The following PFKM variants were observed in gnomAD, a reference collection of about 807,000 sequenced individuals.
PFKM encodes the protein phosphofructokinase, muscle, also known as ATP-dependent 6-phosphofructokinase, muscle type.
In PFKM, 58 loss-of-function variants were observed where a neutral mutation model predicts 95.5. The observed-to-expected ratio is 0.61, with a 90% CI of 0.49 to 0.76. The LOEUF is 0.76. Among genes scored for constraint, PFKM ranks in the 30% least tolerant of loss-of-function variants. The pLI is 0.00. For missense variants in PFKM, 678 were observed against 1,005.4 expected (o/e 0.67, Z 4.40); for synonymous variants, 336 against 357.2 (o/e 0.94, Z 0.67).
At chr12:48,131,437 G>A (rs769598922) in intron 4 of PFKM, 44 bp downstream of exon 4, 2 of 1,365,390 alleles carry the variant, frequency 1.5e-6, no homozygotes, top group Non-Finnish European at 2.1e-6. Flanking sequence ...CTCTGTCCTT[G>A]TTTCATCCCA....
intron 1 of PFKM, chr12:48,106,237 G>C: frequency 1.6e-6 from 1 of 642,294 alleles, no homozygotes; most frequent in Non-Finnish European, 2.8e-6. Context: ...AGCGAAGGGA[G>C]CATTTAAGAC....
chr12:48,113,445 G>C (rs183289286), intron 3 of PFKM, among the ~76,000 whole-genome samples: 137 of 152,348 alleles, frequency 9.0e-4, no homozygotes, highest in African/African-American at 3.1e-3. Context: ...AGAGCCTTGG[G>C]CCAGAGTTCC....
At chr12:48,132,005 C>T in intron 4 of PFKM, 1 of 455,760 alleles carries the variant, frequency 2.2e-6, no homozygotes, top group Non-Finnish European at 4.4e-6. Context: ...ACATTTGTAT[C>T]CCCCTTTTTT....
chr12:48,125,213 G>A (rs775888766), intron 2 of PFKM: 7 of 362,828 alleles, frequency 1.9e-5, no homozygotes, highest in Non-Finnish European at 3.2e-5. Context: ...TTATGACATC[G>A]GCATATTCTA....
intron 2 of PFKM, among the ~76,000 whole-genome samples, chr12:48,126,782 T>C (rs1302044870): frequency 6.6e-6 from 1 of 152,182 alleles, no homozygotes; most frequent in Non-Finnish European, 1.5e-5. Flanking sequence ...GAGAATCCCA[T>C]AGGCCTTGTG....
At chr12:48,130,159 T>A (rs935542412) in intron 2 of PFKM, among the ~76,000 whole-genome samples, 1 of 152,164 alleles carries the variant, frequency 6.6e-6, no homozygotes, top group Non-Finnish European at 1.5e-5. Flanking sequence ...TGAATGCAGA[T>A]TATCTGAAGC....
chr12:48,145,017 G>T lies in PFKM; in HGVS notation c.1993-14G>T. ...GAGTCCTTCCCTCTGTAATTTTTATGTTTCTTTCTCCAGGGTGGGAGCCCA... is the reference window on the plus strand; with the variant it reads ...GAGTCCTTCCCTCTGTAATTTTTATTTTTCTTTCTCCAGGGTGGGAGCCCA... On this transcript the variant is annotated splice_polypyrimidine_tract_variant and intron_variant, in intron 20 of 22. Transcript: ENST00000359794. This position sits in a 1 kb window ranked among gnomAD's most constrained non-coding sequence, Gnocchi z 4.3. 3.2e-6 allele frequency: 5 copies of T among 1,577,792 alleles called. No homozygotes were observed. Among genetic ancestry groups the T allele is most frequent in the Non-Finnish European group, 4.4e-6 (5 of 1,146,984 alleles).
rs139256518 is a variant in PFKM, at chr12:48,124,916, G to A, written c.85+2057G>A. Among the ~76,000 whole-genome samples the A allele has an allele frequency of 3.9e-4, 60 of 152,284 alleles. 1 individual carries two copies. Among genetic ancestry groups the A allele is most frequent in the Admixed American group, 1.8e-3 (27 of 15,300 alleles). ...GAGTTTGATGGACTCTAGTTCTCCC[G>A]GGGAGAAAACATAGAAATGTTTTGT... On this transcript the variant is annotated intron_variant, in intron 2 of 22. Transcript: ENST00000359794.
intron 2 of PFKM, among the ~76,000 whole-genome samples, chr12:48,126,823 T>C (rs543884847): frequency 6.6e-6 from 1 of 152,178 alleles, no homozygotes; most frequent in Non-Finnish European, 1.5e-5. Flanking sequence ...TAGTTTCATA[T>C]CTATTCTGAT....
Position 48,137,930 on chromosome 12 carries a change from C to T in PFKM, c.1062+84C>T, listed in dbSNP as rs1950247731. On this transcript the variant is annotated intron_variant, in intron 11 of 22. Coordinates refer to ENST00000359794, the MANE Select transcript of PFKM (RefSeq NM_000289.6). ...AGGGGCATGAGACTATGTCTAAGGC[C>T]ACTGGTATAGGAGCAGGTGGAAAGG... The T allele has an allele frequency of 2.7e-6, 4 of 1,470,246 alleles. 1 individual carries two copies. In the South Asian group the frequency reaches 3.4e-5, roughly 13 times the overall value. 91.1% of individuals were successfully genotyped at this position (1,470,246 alleles called of 1,614,324 possible).
At chr12:48,111,340 G>A (rs1047785406) in intron 3 of PFKM, among the ~76,000 whole-genome samples, 2 of 152,134 alleles carry the variant, frequency 1.3e-5, no homozygotes, top group African/African-American at 4.8e-5. Context: ...CTGATCCTCT[G>A]TACCTTCCTT....
At position 48,132,855 on chromosome 12, in the gene PFKM, A is replaced by G. The variant is rs1009503872; in HGVS notation, c.238-13A>G. On this transcript the variant is annotated splice_polypyrimidine_tract_variant and intron_variant, in intron 4 of 22. Coordinates refer to ENST00000359794, the MANE Select transcript of PFKM (RefSeq NM_000289.6). ...CCCTGTCTCTGGGGAGCTGACTTCT[A>G]CCTCTTCCAAAGGGAGGCACGGTGA... The G allele has an allele frequency of 1.9e-6, 3 of 1,604,424 alleles. No individual in the cohort carries two copies. The highest frequency in any genetic ancestry group is 2.2e-5 in the South Asian group (2 of 89,724).
Position 48,143,833 on chromosome 12 carries a change from G to T in PFKM, c.1880+19G>T. The T allele has an allele frequency of 1.9e-6, 3 of 1,593,418 alleles. No homozygotes were observed. The highest frequency in any genetic ancestry group is 1.7e-4 in the Middle Eastern group (1 of 6,036). On this transcript the variant is annotated intron_variant, in intron 19 of 22. Coordinates refer to ENST00000359794, the MANE Select transcript of PFKM (RefSeq NM_000289.6). Reference sequence around the variant, plus strand: ...TGTTAAGGTACCTCATCCATGGTTTGTTCCTAAATGAAGAAGAAAAATAAG... The same window carrying T: ...TGTTAAGGTACCTCATCCATGGTTTTTTCCTAAATGAAGAAGAAAAATAAG...
chr12:48,137,116 C>A (rs1375678511), intron 10 of PFKM, among the ~76,000 whole-genome samples: 5 of 149,118 alleles, frequency 3.4e-5, no homozygotes, highest in African/African-American at 9.9e-5. Flanking sequence ...GGCTAGAGTG[C>A]AGTGGTGCAA....
At chr12:48,106,340 C>T (rs1201518294) in intron 1 of PFKM, 4 of 539,580 alleles carry the variant, frequency 7.4e-6, no homozygotes, top group African/African-American at 6.0e-5. Flanking sequence ...CTATGCTTTT[C>T]TCTGTTCCCT....
intron 13 of PFKM, 105 bp from the exon 14 acceptor site, chr12:48,140,617 T>C: frequency 1.8e-6 from 2 of 1,083,262 alleles, no homozygotes; most frequent in Non-Finnish European, 2.9e-6. Context: ...GATATCCTGA[T>C]CCCTGGATGA....
chr12:48,118,345 T>C, upstream of PFKM: 1 of 601,138 alleles, frequency 1.7e-6, no homozygotes, highest in Non-Finnish European at 3.0e-6. Context: ...ATACATGATT[T>C]GCAAATATTT....
intron 2 of PFKM, chr12:48,108,049 G>T: frequency 6.3e-7 from 1 of 1,598,806 alleles, no homozygotes; most frequent in South Asian, 1.1e-5. Flanking sequence ...CCTTGAGGGT[G>T]ACCTAAAGCT....
At chr12:48,111,655 G>A (rs181532110) in intron 3 of PFKM, among the ~76,000 whole-genome samples, 1 of 152,324 alleles carries the variant, frequency 6.6e-6, no homozygotes, top group East Asian at 1.9e-4. Context: ...TAGGCCTGGT[G>A]GAACTGCCAT....
Sources: gnomAD v4.1 joint callset for allele counts (sites outside exome capture counted in the v4.1 genomes callset) on GRCh38, gnomAD v4.1.1 for gene constraint, Gnocchi (gnomAD v3.1) non-coding constraint, MANE v1.5 for transcripts, NCBI Gene and HGNC (gene_info 2026-07-23, HGNC 2026-07-21) for gene names.